Variants in MYO5C observed in about 807,000 individuals in gnomAD.
The protein encoded by MYO5C is myosin VC, also known as unconventional myosin-Vc.
In MYO5C, 194 loss-of-function variants were observed where a neutral mutation model predicts 235.7. That is an observed-to-expected ratio of 0.82 (90% CI 0.73 to 0.93). The LOEUF is 0.93. Ranked by LOEUF, MYO5C falls within the 40% of genes least tolerant of loss-of-function variation. The pLI, the probability that MYO5C is intolerant of heterozygous loss-of-function variation, is 0.00. For synonymous variants in MYO5C, 707 were observed against 754.8 expected (o/e 0.94, Z 1.04); for missense variants, 2,038 against 2,127.2 (o/e 0.96, Z 0.82).
At chr15:52,293,523 C>T (rs2037437844) in intron 1 of MYO5C, among the ~76,000 whole-genome samples, 1 of 152,102 alleles carries the variant, frequency 6.6e-6, no homozygotes, top group African/African-American at 2.4e-5. Flanking sequence ...TGATGACTTT[C>T]TTAAGAAATA....
intron 32 of MYO5C, among the ~76,000 whole-genome samples, chr15:52,217,637 T>C (rs2035585233): frequency 6.6e-6 from 1 of 152,226 alleles, no homozygotes; most frequent in Non-Finnish European, 1.5e-5. Flanking sequence ...CTGATTGGAA[T>C]TTGTTACTTC....
intron 12 of MYO5C, among the ~76,000 whole-genome samples, chr15:52,252,652 A>C (rs1673103570): frequency 6.6e-6 from 1 of 152,070 alleles, no homozygotes; most frequent in Admixed American, 6.5e-5. Flanking sequence ...GTGTGCGCCT[A>C]TAATTCCAGC....
intron 26 of MYO5C, 124 bp from the exon 27 acceptor site, chr15:52,225,262 A>G (rs780385486): frequency 2.4e-5 from 28 of 1,157,602 alleles, no homozygotes; most frequent in Non-Finnish European, 3.2e-5. Flanking sequence ...CAGCTATCCA[A>G]TCAACCAACT....
chr15:52,293,969 A>T (rs1289721676), intron 1 of MYO5C, among the ~76,000 whole-genome samples: 1 of 152,244 alleles, frequency 6.6e-6, no homozygotes, highest in African/African-American at 2.4e-5. Context: ...GGGAGGTGGC[A>T]GCCTAGGAAC....
At chr15:52,277,706 G>C in intron 4 of MYO5C, 1 of 391,582 alleles carries the variant, frequency 2.6e-6, no homozygotes, top group Non-Finnish European at 5.0e-6. Context: ...GTGAGAACTG[G>C]CTTGTCCCTG....
chr15:52,259,426 AAAAAAAAG>A (rs2036646505), intron 10 of MYO5C, among the ~76,000 whole-genome samples: 1 of 151,426 alleles, frequency 6.6e-6, no homozygotes. Flanking sequence ...TCTCAAAAAA[AAAAAAAAG>A]AAAAAAAAGA....
At chr15:52,247,146 T>C (rs747391312) in intron 15 of MYO5C, 132 bp from the exon 16 acceptor site, 119 of 747,202 alleles carry the variant, frequency 1.6e-4, no homozygotes, top group Non-Finnish European at 2.2e-4. Flanking sequence ...ACACCTATTA[T>C]GAAAGGTTTC....
In MYO5C at chr15:52,246,059, A is replaced by T; in HGVS notation, c.1980-17T>A. Reference sequence around the variant, plus strand: ...GAGTCAAATCTTTAAAAAGACAATGATATTATGTGTTGAGGCATCGTAATT... The same window carrying T: ...GAGTCAAATCTTTAAAAAGACAATGTTATTATGTGTTGAGGCATCGTAATT... On this transcript the variant is annotated splice_polypyrimidine_tract_variant and intron_variant, in intron 16 of 40. Coordinates refer to ENST00000261839, the MANE Select transcript of MYO5C (RefSeq NM_018728.4). The T allele has an allele frequency of 6.2e-7, 1 of 1,608,218 alleles. No individual in the cohort carries two copies.
rs182616709 is a variant in MYO5C, at chr15:52,235,778, G to A, written c.2869-15C>T. 29 of 1,583,724 alleles carry A rather than the reference G, an allele frequency of 1.8e-5. No homozygotes were observed. In the African/African-American group the frequency reaches 3.5e-4, roughly 19 times the overall value. ...TTTGCCAATTTCTAGCAGAGGGAAG[G>A]GGGAAAAACAAACTTTTTTGAAAAC... On this transcript the variant is annotated splice_polypyrimidine_tract_variant and intron_variant, in intron 22 of 40. Coordinates refer to ENST00000261839, the MANE Select transcript of MYO5C (RefSeq NM_018728.4).
chr15:52,205,651 C>T (rs1014758743), intron 37 of MYO5C, 165 bp downstream of exon 37: 2 of 444,200 alleles, frequency 4.5e-6, no homozygotes, highest in Non-Finnish European at 7.8e-6. Flanking sequence ...TTTATGGAAT[C>T]ATTATAAGCA....
At chr15:52,286,958 A>G (rs1021841204) in intron 1 of MYO5C, among the ~76,000 whole-genome samples, 24 of 129,832 alleles carry the variant, frequency 1.8e-4, no homozygotes, top group Admixed American at 5.0e-4. Flanking sequence ...AAGAAAAAAG[A>G]AAAAAAAAAA....
chr15:52,235,339 G>A (rs1056556421), intron 23 of MYO5C, among the ~76,000 whole-genome samples: 5 of 151,996 alleles, frequency 3.3e-5, no homozygotes, highest in African/African-American at 4.8e-5. Context: ...CACCACACAC[G>A]AATGCGCACA....
chr15:52,199,687 C>T (rs980585316), intron 38 of MYO5C, among the ~76,000 whole-genome samples: 2 of 152,148 alleles, frequency 1.3e-5, no homozygotes, highest in Non-Finnish European at 2.9e-5. Context: ...TCCTTTTTCT[C>T]TATTCTCTCA....
Position 52,269,926 on chromosome 15 carries a change from A to C in MYO5C, c.833-66T>G, listed in dbSNP as rs1204274309. 14 of 1,083,768 alleles carry C rather than the reference A, an allele frequency of 1.3e-5. No homozygotes were observed. In the Admixed American group the frequency reaches 2.2e-4, roughly 17 times the overall value. The allele number at this position is 1,083,768 out of a possible 1,614,324, so 67.1% of individuals were successfully genotyped here. A position where few individuals can be genotyped will look rare whatever the true frequency, so the allele number is the denominator to read the frequency against. On this transcript the variant is annotated intron_variant, in intron 7 of 40. Transcript: ENST00000261839. ...AAATTTGGACATACACATTTATCAGAAGAAGGGAAGTTCATACTCAAAGAA... is the reference window on the plus strand; with the variant it reads ...AAATTTGGACATACACATTTATCAGCAGAAGGGAAGTTCATACTCAAAGAA...
intron 8 of MYO5C, 50 bp downstream of exon 8, chr15:52,269,703 T>TG (rs2036879758): frequency 7.4e-7 from 1 of 1,359,200 alleles, no homozygotes; most frequent in African/African-American, 1.5e-5. Context: ...AATTTTTTTT[T>TG]TTTTTTAAGA....
chr15:52,279,466 C>A lies in MYO5C; in HGVS notation c.304+43G>T, dbSNP rs756636879. ...CAGGAGGCTCTAGACAGCAAGCTTACATTCCAGTGCCATTCCTTACTTCCT... is the reference window on the plus strand; with the variant it reads ...CAGGAGGCTCTAGACAGCAAGCTTAAATTCCAGTGCCATTCCTTACTTCCT... On this transcript the variant is annotated intron_variant, in intron 3 of 40. Transcript: ENST00000261839. The A allele has an allele frequency of 1.0e-5, 16 of 1,582,238 alleles. No individual in the cohort carries two copies. The South Asian group carries it at 1.6e-4, about 15-fold the overall frequency.
intron 1 of MYO5C, among the ~76,000 whole-genome samples, chr15:52,292,641 G>A (rs1178853316): frequency 2.0e-5 from 3 of 152,216 alleles, no homozygotes; most frequent in African/African-American, 7.2e-5. Flanking sequence ...ATGCACACAG[G>A]TGCACATCAA....
rs1445176701 is a variant in MYO5C at position 52,205,904 on chromosome 15, T to G, written c.4449A>C (p.Ser1483=). ...CATCACTGAGAATCTGTCTGTATTCTGAAAGGTCAAAATTGTTCAAGCAAT... is the reference window on the plus strand; with the variant it reads ...CATCACTGAGAATCTGTCTGTATTCGGAAAGGTCAAAATTGTTCAAGCAAT... ...NKNCLNNFDL[S]EYRQILSDVA... Residue 1483 remains serine (S), a synonymous_variant, in exon 37 of 41, where the codon TCA becomes TCC. Coordinates refer to ENST00000261839, the MANE Select transcript of MYO5C (RefSeq NM_018728.4). 2 of 1,601,618 alleles carry G rather than the reference T, an allele frequency of 1.2e-6. No homozygotes were observed. Among genetic ancestry groups the G allele is most frequent in the African/African-American group, 2.7e-5 (2 of 74,932 alleles).
chr15:52,229,706 C>T (rs1204280934), intron 24 of MYO5C, among the ~76,000 whole-genome samples: 2 of 152,188 alleles, frequency 1.3e-5, no homozygotes, highest in African/African-American at 4.8e-5. Context: ...ATTTTGAAAA[C>T]AACAAGAGGA....
Sources: allele counts gnomAD v4.1 joint callset (sites outside exome capture counted in the v4.1 genomes callset), GRCh38; gene constraint gnomAD v4.1.1; transcripts MANE v1.5; gene names NCBI Gene and HGNC (gene_info 2026-07-23, HGNC 2026-07-21).